NEGR1: variants seen among roughly 807,000 people sequenced by gnomAD.
The protein encoded by NEGR1 is IgLON family member 4.
In NEGR1, 10 loss-of-function variants were observed where a neutral mutation model predicts 40.9. The observed-to-expected ratio is 0.24, with a 90% confidence interval of 0.15 to 0.42. The LOEUF (loss-of-function observed/expected upper bound fraction) is 0.42. Among genes scored for constraint, NEGR1 ranks in the 10% least tolerant of loss-of-function variants. The probability of loss-of-function intolerance (pLI) is 1.00; values close to 1 mark genes in which losing one functional copy is unlikely to be tolerated. For synonymous variants in NEGR1, 185 were observed against 166.8 expected, an observed-to-expected ratio of 1.11 and a Z score of -0.84; for missense variants, 352 against 438.9, an observed-to-expected ratio of 0.80 and a Z score of 1.77.
chr1:71,611,216 C>G, intron 4 of NEGR1, 70 bp from the exon 5 acceptor site: 1 of 1,404,994 alleles, frequency 7.1e-7, no homozygotes, highest in Non-Finnish European at 9.9e-7. Context: ...ATATGACACA[C>G]ATATATTTTT....
chr1:72,156,802 A>C (rs1421660225), intron 1 of NEGR1, among the ~76,000 whole-genome samples: 1 of 152,190 alleles, frequency 6.6e-6, no homozygotes, highest in Non-Finnish European at 1.5e-5. Flanking sequence ...TAATTTGAAC[A>C]CAAAATTTTT....
At chr1:72,039,249 G>A (rs891330103) in intron 1 of NEGR1, among the ~76,000 whole-genome samples, 1 of 151,950 alleles carries the variant, frequency 6.6e-6, no homozygotes, top group Non-Finnish European at 1.5e-5. Context: ...TTGTGCTAAG[G>A]ACATTAGCTT....
At chr1:72,166,538 C>A (rs6665041) in intron 1 of NEGR1, among the ~76,000 whole-genome samples, 19,622 of 152,092 alleles carry the variant, frequency 0.13, 1,664 homozygotes, top group Non-Finnish European at 0.19. Context: ...TCAGTGTCTA[C>A]CAGCAGACAA....
chr1:71,401,407 T>C lies in NEGR1; in HGVS notation c.*6039A>G, dbSNP rs367717540. On this transcript the variant is annotated 3_prime_UTR_variant, in exon 7 of 7. Transcript: ENST00000357731. ...TCAGGTCCTTCATTAATGAATTAAT[T>C]TATTCATTTCATAAGTGTATGAAAA... 16 of 152,314 alleles carry C rather than the reference T, an allele frequency of 1.1e-4. No homozygotes were observed. In the South Asian group the frequency reaches 3.1e-3, roughly 30 times the overall value. 9.4% of individuals were successfully genotyped at this position (152,314 alleles called of 1,614,324 possible). A position where few individuals can be genotyped will look rare whatever the true frequency, so the allele number is the denominator to read the frequency against.
chr1:72,048,563 T>G (rs967545969), intron 1 of NEGR1, among the ~76,000 whole-genome samples: 15 of 151,422 alleles, frequency 9.9e-5, no homozygotes, highest in Admixed American at 4.6e-4. Context: ...AATTGATAAA[T>G]CGGGTGGAAT....
intron 4 of NEGR1, among the ~76,000 whole-genome samples, chr1:71,681,628 GAGAATTTTAAAATAA>G (rs1386288429): frequency 6.6e-6 from 1 of 152,094 alleles, no homozygotes; most frequent in Non-Finnish European, 1.5e-5. Context: ...GTTTCAGAAT[GAGAATTTTAAAATAA>G]ACCTGGAAAA....
chr1:71,972,329 C>T (rs1194844127), intron 1 of NEGR1, among the ~76,000 whole-genome samples: 3 of 152,094 alleles, frequency 2.0e-5, no homozygotes, highest in African/African-American at 7.2e-5. Flanking sequence ...ACTATCCCCA[C>T]CTCCCATATC....
intron 1 of NEGR1, among the ~76,000 whole-genome samples, chr1:71,955,841 A>C (rs544611719): frequency 1.3e-5 from 2 of 152,238 alleles, no homozygotes; most frequent in South Asian, 4.1e-4. Context: ...TTCACGGACC[A>C]TTCTGTTTCA....
rs761898641 is a variant in NEGR1 at position 71,776,162 on chromosome 1, C to T, written c.535+10G>A. The T allele has an allele frequency of 1.2e-6, 2 of 1,605,568 alleles. No homozygotes were observed. The highest frequency in any genetic ancestry group is 1.7e-6 in the Non-Finnish European group (2 of 1,175,150). ...ACAGCACAAACAACACTAATGCATT[C>T]CTACTTTACCTGATGGGGAGATGTG... is the stretch of plus-strand genomic sequence containing the variant. On this transcript the variant is annotated intron_variant, in intron 3 of 6. Coordinates refer to ENST00000357731, the MANE Select transcript of NEGR1 (RefSeq NM_173808.3).
intron 2 of NEGR1, among the ~76,000 whole-genome samples, chr1:71,931,760 A>G (rs1424877205): frequency 6.6e-6 from 1 of 152,114 alleles, no homozygotes; most frequent in African/African-American, 2.4e-5. Context: ...ACACATTCTA[A>G]CCATAGCACA....
intron 6 of NEGR1, among the ~76,000 whole-genome samples, chr1:71,408,078 G>C (rs1646289658): frequency 6.6e-6 from 1 of 151,988 alleles, no homozygotes; most frequent in African/African-American, 2.4e-5. Flanking sequence ...CAGAATATTA[G>C]AGTTGCATGT....
chr1:71,567,187 T>C (rs913765951), intron 6 of NEGR1, among the ~76,000 whole-genome samples: 1 of 151,824 alleles, frequency 6.6e-6, no homozygotes, highest in Non-Finnish European at 1.5e-5. Flanking sequence ...TTTTCTTTTC[T>C]TTTTGTTGTG....
intron 4 of NEGR1, among the ~76,000 whole-genome samples, chr1:71,617,089 G>C (rs1650469852): frequency 6.6e-6 from 1 of 152,206 alleles, no homozygotes; most frequent in Non-Finnish European, 1.5e-5. Context: ...ACAAAGAACA[G>C]AAGCAATTAT....
At chr1:72,134,820 C>T (rs1187418509) in intron 1 of NEGR1, among the ~76,000 whole-genome samples, 2 of 151,396 alleles carry the variant, frequency 1.3e-5, no homozygotes, top group South Asian at 2.1e-4. Context: ...TGACCACAAC[C>T]TCCGCCTCCT....
intron 3 of NEGR1, among the ~76,000 whole-genome samples, chr1:71,735,634 AAC>A (rs1557632816): frequency 2.0e-5 from 3 of 152,016 alleles, no homozygotes; most frequent in African/African-American, 7.2e-5. Flanking sequence ...AATACACATA[AAC>A]ACACACACAT....
chr1:71,744,980 T>C (rs879394609), intron 3 of NEGR1, among the ~76,000 whole-genome samples: 5 of 152,164 alleles, frequency 3.3e-5, no homozygotes, highest in Admixed American at 3.3e-4. Context: ...TTGAGTGTTA[T>C]TATTATTTGA....
chr1:71,538,189 G>A (rs571921360), intron 6 of NEGR1, among the ~76,000 whole-genome samples: 1 of 151,696 alleles, frequency 6.6e-6, no homozygotes, highest in East Asian at 2.0e-4. Flanking sequence ...AAGGTATTGA[G>A]GAAACCATGT....
intron 1 of NEGR1, among the ~76,000 whole-genome samples, chr1:72,176,148 C>CT (rs2100403891): frequency 6.6e-6 from 1 of 152,090 alleles, no homozygotes; most frequent in East Asian, 1.9e-4. Context: ...AGTCAGTCAT[C>CT]TTTTTTCCTA....
intron 1 of NEGR1, among the ~76,000 whole-genome samples, chr1:72,065,893 G>A (rs776122359): frequency 2.0e-5 from 3 of 151,988 alleles, no homozygotes; most frequent in Non-Finnish European, 2.9e-5. Context: ...TAAATGATGT[G>A]TTATTGGGCA....
Sources: gnomAD v4.1 joint callset for allele counts (sites outside exome capture counted in the v4.1 genomes callset) on GRCh38, gnomAD v4.1.1 for gene constraint, MANE v1.5 for transcripts, NCBI Gene and HGNC (gene_info 2026-07-23, HGNC 2026-07-21) for gene names.